Variants in ZC3H12B observed in about 807,000 individuals in gnomAD.
The protein encoded by ZC3H12B is zinc finger CCCH-type containing 12B, also known as probable ribonuclease ZC3H12B.
Under a neutral mutation model 43.9 loss-of-function variants are expected in ZC3H12B, and 7 were observed. That is an observed-to-expected ratio of 0.16 (90% confidence interval 0.09 to 0.30). The LOEUF (loss-of-function observed/expected upper bound fraction) is 0.30, where lower values mean the gene tolerates loss of function less well. Among genes scored for constraint, ZC3H12B ranks in the 10% least tolerant of loss-of-function variants. The pLI is 1.00. For synonymous variants in ZC3H12B, 222 were observed against 241.7 expected, an observed-to-expected ratio of 0.92 and a Z score of 0.76; for missense variants, 475 against 670.2, an observed-to-expected ratio of 0.71 and a Z score of 3.22.
At chrX:65,251,000 T>G in the ZC3H12B span, among the ~76,000 whole-genome samples, 8 of 112,028 alleles carry the variant, frequency 7.1e-5, no homozygotes, top group South Asian at 3.7e-4. Context: ...TTTTAGACAT[T>G]AAGTCCTTGC....
the ZC3H12B span, among the ~76,000 whole-genome samples, chrX:65,211,589 G>T: frequency 4.1e-5 from 4 of 98,707 alleles, no homozygotes; most frequent in Non-Finnish European, 6.0e-5. Context: ...TCTAGTAATT[G>T]ATAGAGTTGG....
chrX:65,328,634 G>C, the ZC3H12B span: 3 of 143,044 alleles, frequency 2.1e-5, no homozygotes, highest in South Asian at 3.3e-4. Flanking sequence ...ATACATGTTT[G>C]TGTGCTGCAC....
At chrX:65,096,364 G>A in the ZC3H12B span, among the ~76,000 whole-genome samples, 9 of 111,129 alleles carry the variant, frequency 8.1e-5, no homozygotes, top group African/African-American at 2.9e-4. Context: ...ATGTACCCCA[G>A]AACTAAAAAT....
At chrX:65,375,996 G>T (rs938967505) in intron 2 of ZC3H12B, among the ~76,000 whole-genome samples, 1 of 112,276 alleles carries the variant, frequency 8.9e-6, no homozygotes, top group African/African-American at 3.2e-5. Flanking sequence ...GGCTCTTGGG[G>T]TCTCTGATTC....
intron 3 of ZC3H12B, among the ~76,000 whole-genome samples, chrX:65,477,114 G>A (rs143645945): frequency 1.9e-3 from 210 of 108,223 alleles, no homozygotes; most frequent in African/African-American, 6.6e-3. Flanking sequence ...GATTACAGAC[G>A]TGAGCCACCA....
At chrX:65,149,791 TA>T in the ZC3H12B span, among the ~76,000 whole-genome samples, 1 of 103,113 alleles carries the variant, frequency 9.7e-6, no homozygotes, top group African/African-American at 3.5e-5. Flanking sequence ...ATAATAATAA[TA>T]ATAATAATAA....
At chrX:65,157,776 TTTA>T in the ZC3H12B span, among the ~76,000 whole-genome samples, 2 of 110,354 alleles carry the variant, frequency 1.8e-5, no homozygotes, top group Non-Finnish European at 1.9e-5. Flanking sequence ...TTTTTTTTAT[TTTA>T]TTATTATTAT....
At chrX:65,222,216 A>G in the ZC3H12B span, among the ~76,000 whole-genome samples, 9 of 111,749 alleles carry the variant, frequency 8.1e-5, no homozygotes, top group African/African-American at 2.9e-4. Flanking sequence ...AATAAAAGCC[A>G]TCTATGACAA....
chrX:65,450,310 A>C (rs1383586454), intron 3 of ZC3H12B, among the ~76,000 whole-genome samples: 8 of 89,386 alleles, frequency 8.9e-5, no homozygotes, highest in Non-Finnish European at 1.5e-4. Flanking sequence ...TCTCAAAAAA[A>C]AAATATATAT....
chrX:65,130,796 G>A, the ZC3H12B span, among the ~76,000 whole-genome samples: 2 of 111,502 alleles, frequency 1.8e-5, no homozygotes, highest in African/African-American at 6.5e-5. Context: ...TGGGGGAGTA[G>A]GTGGGAGGGA....
chrX:65,157,835 A>G, the ZC3H12B span, among the ~76,000 whole-genome samples: 1 of 106,566 alleles, frequency 9.4e-6, no homozygotes, highest in South Asian at 4.4e-4. Context: ...GGTTAGTTAC[A>G]TATGTATACA....
the ZC3H12B span, among the ~76,000 whole-genome samples, chrX:65,049,345 G>C: frequency 9.0e-6 from 1 of 111,230 alleles, no homozygotes; most frequent in Non-Finnish European, 1.9e-5. Context: ...GTTGATTTTT[G>C]TATATTGTAT....
chrX:65,166,783 C>T, the ZC3H12B span, among the ~76,000 whole-genome samples: 1 of 112,096 alleles, frequency 8.9e-6, no homozygotes, highest in Non-Finnish European at 1.9e-5. Context: ...ATTTGCATTT[C>T]TCTGATGGCC....
chrX:65,263,366 C>T, the ZC3H12B span, among the ~76,000 whole-genome samples: 173 of 110,545 alleles, frequency 1.6e-3, 2 homozygotes, highest in African/African-American at 5.5e-3. Context: ...GTAAATGTCT[C>T]GTAGAGAAAT....
chrX:65,493,780 G>A (rs2068239261), intron 1 of ZC3H12B, among the ~76,000 whole-genome samples: 1 of 111,341 alleles, frequency 9.0e-6, no homozygotes. Context: ...CAGGTCCTAG[G>A]GTTTTTGGCA....
At chrX:65,168,166 G>T in the ZC3H12B span, among the ~76,000 whole-genome samples, 7 of 111,682 alleles carry the variant, frequency 6.3e-5, no homozygotes, top group Admixed American at 4.8e-4. Flanking sequence ...GATATTGGCT[G>T]TGGGTCTGTC....
the ZC3H12B span, among the ~76,000 whole-genome samples, chrX:65,275,235 T>G: frequency 4.4e-5 from 5 of 112,587 alleles, no homozygotes; most frequent in African/African-American, 1.6e-4. Flanking sequence ...GGCTATGTAG[T>G]CTTGAACCCA....
the ZC3H12B span, among the ~76,000 whole-genome samples, chrX:65,327,668 A>G: frequency 1.8e-5 from 2 of 111,625 alleles, no homozygotes; most frequent in African/African-American, 6.5e-5. Context: ...ACCAGGTATT[A>G]TAAAAGGGCA....
the ZC3H12B span, among the ~76,000 whole-genome samples, chrX:65,119,152 T>C: frequency 9.8e-5 from 11 of 111,742 alleles, no homozygotes; most frequent in Non-Finnish European, 1.7e-4. Context: ...TATAATCCTT[T>C]GGGTGTATAC....
Sources: gnomAD v4.1 joint callset for allele counts (sites outside exome capture counted in the v4.1 genomes callset) on GRCh38, gnomAD v4.1.1 for gene constraint, MANE v1.5 for transcripts, NCBI Gene and HGNC (gene_info 2026-07-23, HGNC 2026-07-21) for gene names.